RAD54L2: variants seen among roughly 807,000 people sequenced by gnomAD.
RAD54L2 encodes helicase ARIP4.
A neutral mutation model predicts 138.4 loss-of-function variants in RAD54L2; 27 were observed. The observed-to-expected ratio is 0.20, with a 90% CI of 0.14 to 0.27. The LOEUF (loss-of-function observed/expected upper bound fraction) is 0.27, where lower values mean the gene tolerates loss of function less well. RAD54L2 is among the 10% of genes least tolerant of loss of function. The pLI, the probability that RAD54L2 is intolerant of heterozygous loss-of-function variation, is 1.00. For synonymous variants in RAD54L2, 644 were observed against 723.2 expected (o/e 0.89, Z 1.76); for missense variants, 1,396 against 1,890.2 (o/e 0.74, Z 4.85).
At chr3:51,607,600 C>T (rs1436154150) in intron 3 of RAD54L2, among the ~76,000 whole-genome samples, 1 of 152,212 alleles carries the variant, frequency 6.6e-6, no homozygotes, top group Non-Finnish European at 1.5e-5. Flanking sequence ...CATCATGGCC[C>T]GTTCTCAATG....
At chr3:51,624,025 CAT>C (rs1318257878) in intron 3 of RAD54L2, among the ~76,000 whole-genome samples, 4 of 148,740 alleles carry the variant, frequency 2.7e-5, no homozygotes, top group Admixed American at 1.3e-4. Flanking sequence ...CAAAAATTCT[CAT>C]ATTTAGAATT....
chr3:51,547,705 T>C (rs1698731103), intron 2 of RAD54L2, among the ~76,000 whole-genome samples: 1 of 150,978 alleles, frequency 6.6e-6, no homozygotes, highest in South Asian at 2.1e-4. Flanking sequence ...CCTCAGCCTC[T>C]TGAGTAGCTA....
intron 3 of RAD54L2, among the ~76,000 whole-genome samples, chr3:51,601,122 A>T (rs1700070218): frequency 6.6e-6 from 1 of 152,190 alleles, no homozygotes; most frequent in Non-Finnish European, 1.5e-5. Flanking sequence ...GAGTACTGTT[A>T]TGAACACGAT....
At chr3:51,661,029 C>T (rs965665850) in intron 22 of RAD54L2, among the ~76,000 whole-genome samples, 1 of 152,174 alleles carries the variant, frequency 6.6e-6, no homozygotes, top group Non-Finnish European at 1.5e-5. Flanking sequence ...TCTCAGCTCA[C>T]TGCAACCTCC....
chr3:51,662,285 GACTGGGTGATGT>G lies in RAD54L2; in HGVS notation c.3410-140_3410-129del. On this transcript the variant is annotated intron_variant, in intron 22 of 22. Coordinates refer to ENST00000684192, the MANE Select transcript of RAD54L2 (RefSeq NM_015106.4). The surrounding 1 kb of genome is among the most constrained non-coding windows in gnomAD (Gnocchi z 4.6). ...AATTTCTTTGTGACTGGAAAAGGTT[GACTGGGTGATGT>G]TGTTCAGACATCAAACTATTAGAAT... 1 of 687,060 alleles carries G rather than the reference GACTGGGTGATGT, an allele frequency of 1.5e-6. No individual in the cohort carries two copies. The highest frequency in any genetic ancestry group is 2.2e-6 in the Non-Finnish European group (1 of 455,998). The allele number at this position is 687,060 out of a possible 1,614,324, so 42.6% of individuals were successfully genotyped here. A position where few individuals can be genotyped will look rare whatever the true frequency, so the allele number is the denominator to read the frequency against.
chr3:51,645,894 C>T lies in RAD54L2; in HGVS notation c.2829+131C>T. On this transcript the variant is annotated intron_variant, in intron 18 of 22. Transcript: ENST00000684192. The surrounding 1 kb of genome is among the most constrained non-coding windows in gnomAD (Gnocchi z 6.1). ...GACTTGGACTCAAGGACTTCTTTTT[C>T]TTGCCCCACTCAGTCCCCCTCCCTT... 1.0e-6 allele frequency: 1 copy of T among 1,000,514 alleles called. No individual in the cohort carries two copies. Among genetic ancestry groups the T allele is most frequent in the Non-Finnish European group, 1.4e-6 (1 of 694,644 alleles). 62.0% of individuals were successfully genotyped at this position (1,000,514 alleles called of 1,614,324 possible). A position where few individuals can be genotyped will look rare whatever the true frequency, so the allele number is the denominator to read the frequency against.
chr3:51,654,408 C>G (rs995525473), intron 19 of RAD54L2, among the ~76,000 whole-genome samples: 1 of 152,120 alleles, frequency 6.6e-6, no homozygotes, highest in African/African-American at 2.4e-5. Flanking sequence ...CACTTTCTTA[C>G]TAGACATGGT....
chr3:51,540,437 A>G (rs782620476), intron 1 of RAD54L2, among the ~76,000 whole-genome samples: 5 of 152,186 alleles, frequency 3.3e-5, no homozygotes, highest in African/African-American at 4.8e-5. Flanking sequence ...GTGACAATCT[A>G]TATCATTGAA....
intron 9 of RAD54L2, 101 bp from the exon 10 acceptor site, chr3:51,635,492 C>T: frequency 7.7e-7 from 1 of 1,291,954 alleles, no homozygotes; most frequent in South Asian, 1.6e-5. Context: ...TGTACATCAA[C>T]ACAGCTTTGA....
chr3:51,668,275 G>A lies in RAD54L2; in HGVS notation c.*4855G>A, dbSNP rs1303801154. 1 of 152,222 alleles carries A rather than the reference G, an allele frequency of 6.6e-6. No homozygotes were observed. Among genetic ancestry groups the A allele is most frequent in the Non-Finnish European group, 1.5e-5 (1 of 68,064 alleles). The allele number at this position is 152,222 out of a possible 1,614,324, so 9.4% of individuals were successfully genotyped here. A position where few individuals can be genotyped will look rare whatever the true frequency, so the allele number is the denominator to read the frequency against. On this transcript the variant is annotated 3_prime_UTR_variant, in exon 23 of 23. Transcript: ENST00000684192. Reference sequence around the variant, plus strand: ...GAAGAGGGTCCAGGTGGGTTAAGGGGGGTCGCTATGGATAACCACTAAGAC... The same window carrying A: ...GAAGAGGGTCCAGGTGGGTTAAGGGAGGTCGCTATGGATAACCACTAAGAC...
chr3:51,602,549 A>G, intron 3 of RAD54L2, among the ~76,000 whole-genome samples: 1 of 152,192 alleles, frequency 6.6e-6, no homozygotes, highest in East Asian at 1.9e-4. Context: ...CTTGGAGTCG[A>G]AGTTGCTTAA....
intron 3 of RAD54L2, among the ~76,000 whole-genome samples, chr3:51,595,544 C>T (rs1466910998): frequency 6.6e-6 from 1 of 152,148 alleles, no homozygotes; most frequent in Non-Finnish European, 1.5e-5. Context: ...TTGTTTCCTC[C>T]TTGATACTGA....
chr3:51,558,214 T>C (rs916024219), intron 2 of RAD54L2, among the ~76,000 whole-genome samples: 8 of 152,128 alleles, frequency 5.3e-5, no homozygotes, highest in African/African-American at 1.9e-4. Context: ...AATTTACTGA[T>C]TGACCGAATC....
chr3:51,540,751 A>G (rs1160270832), intron 1 of RAD54L2, among the ~76,000 whole-genome samples: 2 of 152,150 alleles, frequency 1.3e-5, no homozygotes, highest in South Asian at 2.1e-4. Context: ...TTTTTCTTCA[A>G]TGGTATTCTT....
chr3:51,642,330 CTT>C (rs367658494), intron 15 of RAD54L2, among the ~76,000 whole-genome samples: 44 of 130,512 alleles, frequency 3.4e-4, no homozygotes, highest in Admixed American at 4.6e-4. Context: ...AGGGGATGAA[CTT>C]TTTTTTTTTT....
intron 19 of RAD54L2, among the ~76,000 whole-genome samples, chr3:51,649,669 A>T (rs1048699737): frequency 2.0e-5 from 3 of 152,248 alleles, no homozygotes; most frequent in African/African-American, 7.2e-5. Context: ...AAGAATTTTC[A>T]ACCCAGAATT....
chr3:51,577,276 A>C (rs958225672), intron 2 of RAD54L2, among the ~76,000 whole-genome samples: 5 of 152,182 alleles, frequency 3.3e-5, no homozygotes, highest in African/African-American at 4.8e-5. Flanking sequence ...TATGTGGTCA[A>C]TTTTGGAATA....
At chr3:51,550,444 A>C (rs187570511) in intron 2 of RAD54L2, among the ~76,000 whole-genome samples, 23 of 152,280 alleles carry the variant, frequency 1.5e-4, no homozygotes, top group Admixed American at 1.4e-3. Context: ...CCATAATTCC[A>C]TATCTCATTA....
intron 3 of RAD54L2, among the ~76,000 whole-genome samples, chr3:51,605,799 A>C (rs1012121602): frequency 1.3e-5 from 2 of 152,156 alleles, no homozygotes; most frequent in Non-Finnish European, 1.5e-5. Context: ...GTAGTTTCTC[A>C]AACAGTAATT....
Sources: gnomAD v4.1 joint callset for allele counts (sites outside exome capture counted in the v4.1 genomes callset) on GRCh38, gnomAD v4.1.1 for gene constraint, Gnocchi (gnomAD v3.1) non-coding constraint, MANE v1.5 for transcripts, NCBI Gene and HGNC (gene_info 2026-07-23, HGNC 2026-07-21) for gene names.